Variants in PAAF1 observed in about 807,000 individuals in gnomAD.
PAAF1 encodes proteasomal ATPase associated factor 1.
Under a neutral mutation model 52.8 loss-of-function variants are expected in PAAF1, and 46 were observed. The ratio of observed to expected loss-of-function variants is 0.87; its 90% confidence interval spans 0.69 to 1.11. The LOEUF (loss-of-function observed/expected upper bound fraction) is 1.11, where lower values mean the gene tolerates loss of function less well. Among genes scored for constraint, PAAF1 ranks in the 50% most tolerant of loss-of-function variants. PAAF1 has a pLI of 0.00. For synonymous variants in PAAF1, 178 were observed against 172.8 expected (o/e 1.03, Z -0.24); for missense variants, 424 against 477.4 (o/e 0.89, Z 1.04).
intron 4 of PAAF1, among the ~76,000 whole-genome samples, chr11:73,894,676 C>A (rs1949297234): frequency 6.6e-6 from 1 of 151,588 alleles, no homozygotes; most frequent in East Asian, 1.9e-4. Flanking sequence ...AAAAAAAAAT[C>A]AGCTGGGCAT....
chr11:73,895,226 A>C (rs758088665), intron 4 of PAAF1, among the ~76,000 whole-genome samples: 7 of 152,300 alleles, frequency 4.6e-5, no homozygotes, highest in African/African-American at 7.2e-5. Flanking sequence ...TGATTCAAAA[A>C]ATTTTGGCCT....
chr11:73,902,745 G>A (rs1949656757), intron 6 of PAAF1, among the ~76,000 whole-genome samples: 1 of 152,088 alleles, frequency 6.6e-6, no homozygotes, highest in African/African-American at 2.4e-5. Context: ...CTCCTAGGCT[G>A]GGGTGCAGTG....
chr11:73,908,373 GTA>G (rs761845668), intron 6 of PAAF1, among the ~76,000 whole-genome samples: 2 of 135,006 alleles, frequency 1.5e-5, no homozygotes, highest in African/African-American at 5.7e-5. Flanking sequence ...ATATATATAT[GTA>G]TATATATGTG....
rs1361237667 is a variant in PAAF1, at chr11:73,887,353, G to A, written c.89-1G>A. 9 of 1,606,012 alleles carry A rather than the reference G, an allele frequency of 5.6e-6. No homozygotes were observed. Among genetic ancestry groups the A allele is most frequent in the Admixed American group, 1.7e-5 (1 of 58,280 alleles). Reference sequence around the variant, plus strand: ...AGACATGCTTCTTTTGTACCATATAGGGAAACCATCTTTGTATGGCAGCCT... The same window carrying A: ...AGACATGCTTCTTTTGTACCATATAAGGAAACCATCTTTGTATGGCAGCCT... On this transcript the variant is annotated splice_acceptor_variant, in intron 2 of 11. Coordinates refer to ENST00000310571, the MANE Select transcript of PAAF1 (RefSeq NM_025155.3). LOFTEE classifies it high-confidence loss of function.
intron 8 of PAAF1, 117 bp from the exon 9 acceptor site, chr11:73,916,428 A>AT: frequency 1.6e-6 from 1 of 643,646 alleles, no homozygotes. Context: ...GAATAATTAA[A>AT]GGGGGAAGGA....
intron 2 of PAAF1, among the ~76,000 whole-genome samples, chr11:73,881,957 C>G (rs1948919620): frequency 1.3e-5 from 2 of 152,152 alleles, no homozygotes; most frequent in South Asian, 4.1e-4. Flanking sequence ...TCACTGCAAC[C>G]TCCGCCTCCC....
chr11:73,901,053 C>T (rs1949596616), intron 6 of PAAF1, among the ~76,000 whole-genome samples: 1 of 143,672 alleles, frequency 7.0e-6, no homozygotes, highest in South Asian at 2.4e-4. Context: ...AAAAAATCCT[C>T]TCCAGGAAAT....
chr11:73,899,312 C>T, intron 5 of PAAF1, 68 bp downstream of exon 5: 1 of 1,169,350 alleles, frequency 8.6e-7, no homozygotes, highest in Non-Finnish European at 1.3e-6. Flanking sequence ...TGGACTGGGA[C>T]ATGGAAGGAA....
intron 9 of PAAF1, among the ~76,000 whole-genome samples, chr11:73,917,870 C>CA (rs755799652): frequency 0.011 from 1,191 of 105,324 alleles, 8 homozygotes; most frequent in African/African-American, 0.027. Flanking sequence ...GACTCTATCT[C>CA]AAAAAAAAAA....
At chr11:73,897,970 TAGGAGCTGC>T (rs1433763937) in intron 4 of PAAF1, among the ~76,000 whole-genome samples, 1 of 152,054 alleles carries the variant, frequency 6.6e-6, no homozygotes, top group African/African-American at 2.4e-5. Context: ...CACTCATGGT[TAGGAGCTGC>T]AGACCAGCCC....
At chr11:73,876,786 C>A, upstream of PAAF1, 1 of 393,010 alleles carries the variant, frequency 2.5e-6, no homozygotes, top group Non-Finnish European at 4.5e-6. Flanking sequence ...GGCCCGAACG[C>A]ACGCTCCTAC....
At chr11:73,911,910 A>C (rs927626912) in intron 7 of PAAF1, among the ~76,000 whole-genome samples, 1 of 152,126 alleles carries the variant, frequency 6.6e-6, no homozygotes, top group Non-Finnish European at 1.5e-5. Flanking sequence ...CTGGGCTTAC[A>C]GGTGTGAGCT....
chr11:73,905,653 G>A (rs1384783555), intron 6 of PAAF1, among the ~76,000 whole-genome samples: 1 of 151,946 alleles, frequency 6.6e-6, no homozygotes, highest in Non-Finnish European at 1.5e-5. Context: ...CATTATGAGT[G>A]ACATTTTATT....
chr11:73,883,662 G>T (rs1414454888), intron 2 of PAAF1, among the ~76,000 whole-genome samples: 1 of 151,968 alleles, frequency 6.6e-6, no homozygotes, highest in East Asian at 1.9e-4. Flanking sequence ...GATTACAGGC[G>T]CCTGCCACCA....
chr11:73,916,746 A>C (rs1235227365), intron 9 of PAAF1, 86 bp downstream of exon 9: 12 of 837,674 alleles, frequency 1.4e-5, no homozygotes, highest in Non-Finnish European at 2.3e-5. Flanking sequence ...CCTAGCATAT[A>C]GATAACTATT....
At chr11:73,905,638 T>C (rs1340409238) in intron 6 of PAAF1, among the ~76,000 whole-genome samples, 1 of 152,078 alleles carries the variant, frequency 6.6e-6, no homozygotes, top group Admixed American at 6.6e-5. Flanking sequence ...CACTAGATGC[T>C]GTTACATTAT....
intron 7 of PAAF1, among the ~76,000 whole-genome samples, chr11:73,912,152 G>A (rs1420009050): frequency 6.6e-6 from 1 of 151,906 alleles, no homozygotes; most frequent in Non-Finnish European, 1.5e-5. Context: ...AAATACTAGA[G>A]GGCCCCACTA....
chr11:73,919,619 T>TA (rs566907180), intron 10 of PAAF1, among the ~76,000 whole-genome samples: 26 of 152,294 alleles, frequency 1.7e-4, no homozygotes, highest in African/African-American at 6.3e-4. Flanking sequence ...TTTACATACA[T>TA]ATTCTAGGTA....
chr11:73,882,717 C>G (rs1056777011), intron 2 of PAAF1, among the ~76,000 whole-genome samples: 1 of 151,962 alleles, frequency 6.6e-6, no homozygotes, highest in African/African-American at 2.4e-5. Flanking sequence ...ATTCTTCTGC[C>G]TCAGCCTCCG....
Sources: allele counts gnomAD v4.1 joint callset (sites outside exome capture counted in the v4.1 genomes callset), GRCh38; gene constraint gnomAD v4.1.1; transcripts MANE v1.5; gene names NCBI Gene and HGNC (gene_info 2026-07-23, HGNC 2026-07-21).